The following ABCA4 variants were observed in gnomAD, a reference collection of about 807,000 sequenced individuals.
The protein encoded by ABCA4 is retinal-specific phospholipid-transporting ATPase ABCA4.
ABCA4 carries 196 observed loss-of-function variants against 263.7 expected under a neutral mutation model. The ratio of observed to expected loss-of-function variants is 0.74; its 90% CI spans 0.66 to 0.84. The LOEUF is 0.84. Ranked by LOEUF, ABCA4 falls within the 40% of genes least tolerant of loss-of-function variation. The probability of loss-of-function intolerance (pLI) is 0.00; values close to 1 mark genes in which losing one functional copy is unlikely to be tolerated. For synonymous variants in ABCA4, 1,133 were observed against 1,094.2 expected (o/e 1.04, Z -0.70); for missense variants, 2,792 against 2,855.1 (o/e 0.98, Z 0.50).
intron 6 of ABCA4, 152 bp downstream of exon 6, chr1:94,098,642 A>C: frequency 3.6e-6 from 3 of 839,122 alleles, no homozygotes. Flanking sequence ...TAGAAATACT[A>C]TCAGTTGTGA....
chr1:94,033,384 G>C (rs1261203136), intron 26 of ABCA4, among the ~76,000 whole-genome samples: 1 of 145,238 alleles, frequency 6.9e-6, no homozygotes, highest in East Asian at 2.0e-4. Flanking sequence ...TGATCGAGCC[G>C]CTGTATTCCA....
In ABCA4 at chr1:94,014,581, C is replaced by T. The variant is rs1659670791; in HGVS notation, c.5422G>A (p.Ala1808Thr). The T allele has an allele frequency of 1.2e-6, 2 of 1,614,212 alleles. No homozygotes were observed. Among genetic ancestry groups the T allele is most frequent in the South Asian group, 2.2e-5 (2 of 91,090 alleles). ...ANLFIGINSSAITFILELFEN... is the reference protein window; with the variant it reads ...ANLFIGINSSTITFILELFEN... ...AATAATTCCAAGATGAAGGTAATAG[C>T]ACTGCTGTTGATGCCGATGAACAGA... The change falls in exon 38 of 50, where the codon GCT (alanine) becomes ACT (threonine). Residue 1808 changes from alanine (A) to threonine (T), a missense_variant. Physicochemically the swap from Ala to Thr is moderately conservative, Grantham distance 58. Coordinates refer to ENST00000370225, the MANE Select transcript of ABCA4 (RefSeq NM_000350.3).
intron 5 of ABCA4, among the ~76,000 whole-genome samples, chr1:94,100,698 G>C (rs578107558): frequency 6.6e-6 from 1 of 152,178 alleles, no homozygotes; most frequent in East Asian, 1.9e-4. Context: ...GAATGGTGAG[G>C]TTCCTTCTGA....
intron 11 of ABCA4, among the ~76,000 whole-genome samples, chr1:94,067,004 G>T (rs1183537054): frequency 6.6e-6 from 1 of 152,204 alleles, no homozygotes; most frequent in Non-Finnish European, 1.5e-5. Context: ...CAGTTCCAAA[G>T]ATAGTACATT....
At chr1:94,068,823 A>G (rs771857919) in intron 11 of ABCA4, among the ~76,000 whole-genome samples, 11 of 152,246 alleles carry the variant, frequency 7.2e-5, no homozygotes, top group Non-Finnish European at 7.3e-5. Context: ...TTTGCTGAAT[A>G]AAAACACAGT....
In ABCA4 at chr1:94,026,357, C is replaced by T. The variant is rs79349519; in HGVS notation, c.4540-1309G>A. Among the ~76,000 whole-genome samples, 14 of 152,244 alleles carry T rather than the reference C, an allele frequency of 9.2e-5. No homozygotes were observed. The East Asian group carries it at 2.3e-3, about 25-fold the overall frequency. Reference sequence around the variant, plus strand: ...CACTATGTTAAATGCCCTACATACACGATCTCACTTCATCCTGACACTCTT... The same window carrying T: ...CACTATGTTAAATGCCCTACATACATGATCTCACTTCATCCTGACACTCTT... On this transcript the variant is annotated intron_variant, in intron 30 of 49. Transcript: ENST00000370225.
intron 7 of ABCA4, among the ~76,000 whole-genome samples, chr1:94,081,620 C>CTG (rs1225431800): frequency 1.3e-5 from 2 of 151,972 alleles, no homozygotes; most frequent in Non-Finnish European, 2.9e-5. Flanking sequence ...GTGTGCACGC[C>CTG]TGTGTGTGTC....
At chr1:94,105,128 G>A (rs1274160305) in intron 4 of ABCA4, among the ~76,000 whole-genome samples, 1 of 152,182 alleles carries the variant, frequency 6.6e-6, no homozygotes, top group African/African-American at 2.4e-5. Flanking sequence ...ACAGATGCAA[G>A]CCCTTGAAGT....
In ABCA4 at chr1:94,062,584, C is replaced by T; in HGVS notation, c.1930G>A (p.Asp644Asn). 6.2e-7 allele frequency: 1 copy of T among 1,613,160 alleles called. No homozygotes were observed. Among genetic ancestry groups the T allele is most frequent in the Non-Finnish European group, 8.5e-7 (1 of 1,179,598 alleles). The change falls in exon 13 of 50, where the codon GAC (aspartate) becomes AAC (asparagine). Residue 644 changes from aspartate to asparagine, a missense_variant. Asp to Asn is a conservative substitution (Grantham distance 23, BLOSUM62 1). Transcript: ENST00000370225. ...CGCGAACTTCAGACTCACGAATCGTCCACGAAGCAGGGGTAGGGCATCTGC... is the reference window on the plus strand; with the variant it reads ...CGCGAACTTCAGACTCACGAATCGTTCACGAAGCAGGGGTAGGGCATCTGC... The part of the protein sequence containing the change: ...LQQMPYPCFV[D>N]DSFMIILNRC...
chr1:94,005,742 G>A (rs916280043), intron 43 of ABCA4, among the ~76,000 whole-genome samples, 160 bp from the exon 44 acceptor site: 1 of 152,118 alleles, frequency 6.6e-6, no homozygotes, highest in African/African-American at 2.4e-5. Flanking sequence ...ATCAAAACAG[G>A]GGCCCTTCGG....
At chr1:94,079,294 C>T in intron 9 of ABCA4, 28 bp downstream of exon 9, 2 of 1,613,970 alleles carry the variant, frequency 1.2e-6, no homozygotes, top group Non-Finnish European at 1.7e-6. Flanking sequence ...GTCCAGGGTA[C>T]ACAAGGCAAG....
intron 24 of ABCA4, 132 bp downstream of exon 24, chr1:94,039,911 A>T (rs1384456504): frequency 2.6e-6 from 2 of 780,776 alleles, no homozygotes; most frequent in Admixed American, 4.0e-5. Flanking sequence ...AAGCAAAAGA[A>T]CAACTGTGTG....
In ABCA4 at chr1:94,021,886, CCAA is replaced by C. The variant is rs758862120; in HGVS notation, c.4730_4732del (p.Val1577del). On this transcript the variant is annotated inframe_deletion, in exon 33 of 50. Coordinates refer to ENST00000370225, the MANE Select transcript of ABCA4 (RefSeq NM_000350.3). The stretch of plus-strand genomic sequence containing the variant: ...GATCCGGCCAAGGTCGCTTAAAAAC[CCAA>C]CAAGTGCTTCCCCCGTGATGGGGAC... 12 of 1,614,032 alleles carry C rather than the reference CCAA, an allele frequency of 7.4e-6. No individual in the cohort carries two copies. The highest frequency in any genetic ancestry group is 2.2e-5 in the South Asian group (2 of 91,078).
intron 4 of ABCA4, among the ~76,000 whole-genome samples, chr1:94,105,883 C>CGCACCA (rs1001238561): frequency 2.0e-5 from 3 of 152,168 alleles, no homozygotes; most frequent in African/African-American, 7.2e-5. Flanking sequence ...TGCAGAAGCA[C>CGCACCA]GCACCAGCAC....
chr1:94,003,433 C>A (rs932523727), intron 44 of ABCA4, among the ~76,000 whole-genome samples: 1 of 151,766 alleles, frequency 6.6e-6, no homozygotes, highest in South Asian at 2.1e-4. Flanking sequence ...TTACATATCT[C>A]CAATCTGGAT....
In ABCA4 at chr1:94,024,934, A is replaced by G; in HGVS notation, c.4634+20T>C. 6.3e-7 allele frequency: 1 copy of G among 1,596,186 alleles called. No homozygotes were observed. Among genetic ancestry groups the G allele is most frequent in the Non-Finnish European group, 8.6e-7 (1 of 1,163,642 alleles). ...TCTACAGGGAGCCAGGATAAAAAGCATAAAAGGATTTCTTCTTACCTGCTT... is the reference window on the plus strand; with the variant it reads ...TCTACAGGGAGCCAGGATAAAAAGCGTAAAAGGATTTCTTCTTACCTGCTT... On this transcript the variant is annotated intron_variant, in intron 31 of 49. Coordinates refer to ENST00000370225, the MANE Select transcript of ABCA4 (RefSeq NM_000350.3).
intron 1 of ABCA4, among the ~76,000 whole-genome samples, chr1:94,118,573 C>T (rs1662863721): frequency 6.6e-6 from 1 of 152,218 alleles, no homozygotes; most frequent in Non-Finnish European, 1.5e-5. Context: ...CTTACCCAGA[C>T]ATCCTGGAAG....
intron 44 of ABCA4, among the ~76,000 whole-genome samples, chr1:94,005,048 A>T (rs1260110676): frequency 6.6e-6 from 1 of 152,224 alleles, no homozygotes; most frequent in African/African-American, 2.4e-5. Context: ...ACCATAAATT[A>T]TTCAGCCAAT....
At chr1:94,101,851 G>A (rs567704386) in intron 5 of ABCA4, among the ~76,000 whole-genome samples, 31 of 152,364 alleles carry the variant, frequency 2.0e-4, no homozygotes, top group African/African-American at 6.5e-4. Flanking sequence ...CACCTGGAGG[G>A]CTTGTGAAGC....
Sources: gnomAD v4.1 joint callset for allele counts (sites outside exome capture counted in the v4.1 genomes callset) on GRCh38, gnomAD v4.1.1 for gene constraint, MANE v1.5 for transcripts, NCBI Gene and HGNC (gene_info 2026-07-23, HGNC 2026-07-21) for gene names.